SCARA3: variants seen among roughly 807,000 people sequenced by gnomAD.
SCARA3 encodes scavenger receptor class A member 3.
In SCARA3, 39 loss-of-function variants were observed where a neutral mutation model predicts 47.0. That is an observed-to-expected ratio of 0.83 (90% CI 0.64 to 1.08). The LOEUF (loss-of-function observed/expected upper bound fraction) is 1.08, where lower values mean the gene tolerates loss of function less well. Among genes scored for constraint, SCARA3 ranks in the 50% least tolerant of loss-of-function variants. The pLI is 0.00. For synonymous variants in SCARA3, 356 were observed against 334.1 expected, an observed-to-expected ratio of 1.07 and a Z score of -0.71; for missense variants, 724 against 792.3, an observed-to-expected ratio of 0.91 and a Z score of 1.04.
At chr8:27,682,675 A>T in the SCARA3 span, among the ~76,000 whole-genome samples, 7 of 152,200 alleles carry the variant, frequency 4.6e-5, no homozygotes, top group Non-Finnish European at 7.4e-5. Flanking sequence ...AATTAAAACC[A>T]CTACACTCAT....
chr8:27,658,051 G>T (rs1384597045), intron 4 of SCARA3, among the ~76,000 whole-genome samples: 11 of 152,170 alleles, frequency 7.2e-5, no homozygotes, highest in Admixed American at 7.2e-4. Context: ...GAAGGTTCTG[G>T]TCTGGCACCA....
At chr8:27,728,305 A>C in the SCARA3 span, among the ~76,000 whole-genome samples, 1 of 152,152 alleles carries the variant, frequency 6.6e-6, no homozygotes, top group South Asian at 2.1e-4. Context: ...CCAGTTGGGA[A>C]GCGCATTCCA....
rs759554221 is a variant in SCARA3, at chr8:27,656,884, A to G, written c.325+4A>G. On this transcript the variant is annotated splice_donor_region_variant and intron_variant, in intron 4 of 5. Coordinates refer to ENST00000301904, the MANE Select transcript of SCARA3 (RefSeq NM_016240.3). Reference sequence around the variant, plus strand: ...CAGAAAAATCTCCAGGGCCTGGGTAAGTAGATGGGCTGATGACTGTGATGC... The same window carrying G: ...CAGAAAAATCTCCAGGGCCTGGGTAGGTAGATGGGCTGATGACTGTGATGC... The G allele has an allele frequency of 1.3e-6, 2 of 1,561,902 alleles. No individual in the cohort carries two copies. Among genetic ancestry groups the G allele is most frequent in the Non-Finnish European group, 1.8e-6 (2 of 1,132,308 alleles).
At chr8:27,667,788 C>T (rs4732600) in intron 5 of SCARA3, among the ~76,000 whole-genome samples, 2,755 of 152,326 alleles carry the variant, frequency 0.018, 43 homozygotes, top group Admixed American at 0.058. Context: ...CGAGCAGCTC[C>T]ATCCGCCAGC....
chr8:27,636,594 C>A (rs1392059602), intron 1 of SCARA3, among the ~76,000 whole-genome samples: 1 of 152,156 alleles, frequency 6.6e-6, no homozygotes, highest in Non-Finnish European at 1.5e-5. Context: ...GCTGTGGGTT[C>A]CTATACAGGA....
At chr8:27,700,392 A>T in the SCARA3 span, among the ~76,000 whole-genome samples, 1 of 152,186 alleles carries the variant, frequency 6.6e-6, no homozygotes, top group Non-Finnish European at 1.5e-5. Flanking sequence ...AAATCACTGG[A>T]GGCCAGGAGT....
the SCARA3 span, among the ~76,000 whole-genome samples, chr8:27,713,005 G>A: frequency 8.5e-5 from 13 of 152,114 alleles, no homozygotes; most frequent in African/African-American, 3.1e-4. Context: ...ACCAAACAAG[G>A]ATATTTTCCT....
At position 27,670,837 on chromosome 8, in the gene SCARA3, G is replaced by A. The variant is rs938803006; in HGVS notation, c.1370-63G>A. 8 of 1,403,534 alleles carry A rather than the reference G, an allele frequency of 5.7e-6. No individual in the cohort carries two copies. The Admixed American group carries it at 9.5e-5, about 17-fold the overall frequency. 86.9% of individuals were successfully genotyped at this position (1,403,534 alleles called of 1,614,324 possible). A position where few individuals can be genotyped will look rare whatever the true frequency, so the allele number is the denominator to read the frequency against. On this transcript the variant is annotated intron_variant, in intron 5 of 5. Coordinates refer to ENST00000301904, the MANE Select transcript of SCARA3 (RefSeq NM_016240.3). Reference sequence around the variant, plus strand: ...CTGTCGCCGTGCCCGCTCTGCTCATGGGCGAGCCTCGGGTGGGGAGCCCCT... The same window carrying A: ...CTGTCGCCGTGCCCGCTCTGCTCATAGGCGAGCCTCGGGTGGGGAGCCCCT...
At position 27,671,688 on chromosome 8, in the gene SCARA3, A is replaced by G. The variant is rs1448961412; in HGVS notation, c.*337A>G. ...CACACATGCACACATACACGTGCACACATACACAGGCACACATGCATGCAC... is the reference window on the plus strand; with the variant it reads ...CACACATGCACACATACACGTGCACGCATACACAGGCACACATGCATGCAC... On this transcript the variant is annotated 3_prime_UTR_variant, in exon 6 of 6. Transcript: ENST00000301904. 9.3e-7 allele frequency: 1 copy of G among 1,077,366 alleles called. No homozygotes were observed. Among genetic ancestry groups the G allele is most frequent in the South Asian group, 4.5e-5 (1 of 22,222 alleles). 66.7% of individuals were successfully genotyped at this position (1,077,366 alleles called of 1,614,324 possible).
At chr8:27,657,808 G>A (rs1563408023) in intron 4 of SCARA3, among the ~76,000 whole-genome samples, 1 of 152,080 alleles carries the variant, frequency 6.6e-6, no homozygotes. Context: ...CCAAAGTGCT[G>A]GGATTACAGG....
the SCARA3 span, among the ~76,000 whole-genome samples, chr8:27,688,646 G>C: frequency 6.6e-6 from 1 of 152,248 alleles, no homozygotes; most frequent in East Asian, 1.9e-4. Context: ...GGGGTAGGGA[G>C]AGAGCAAAGT....
chr8:27,698,220 A>G, the SCARA3 span, among the ~76,000 whole-genome samples: 1 of 152,194 alleles, frequency 6.6e-6, no homozygotes, highest in Non-Finnish European at 1.5e-5. Flanking sequence ...TGCAAGAAGG[A>G]GTGGAGAGCA....
At chr8:27,691,047 G>T in the SCARA3 span, among the ~76,000 whole-genome samples, 1 of 152,166 alleles carries the variant, frequency 6.6e-6, no homozygotes, top group Non-Finnish European at 1.5e-5. Flanking sequence ...CCTGGTAATA[G>T]CATCTGCCTT....
chr8:27,708,498 C>A, the SCARA3 span, among the ~76,000 whole-genome samples: 1 of 152,108 alleles, frequency 6.6e-6, no homozygotes, highest in African/African-American at 2.4e-5. Context: ...AATCTCGTAA[C>A]TCTATCATAA....
intron 5 of SCARA3, among the ~76,000 whole-genome samples, chr8:27,667,562 C>T (rs745802344): frequency 6.6e-6 from 1 of 152,184 alleles, no homozygotes; most frequent in African/African-American, 2.4e-5. Flanking sequence ...GGAATCCTGA[C>T]GCCAGCACTG....
At chr8:27,635,064 G>C (rs1801221251) in intron 1 of SCARA3, among the ~76,000 whole-genome samples, 1 of 152,176 alleles carries the variant, frequency 6.6e-6, no homozygotes, top group South Asian at 2.1e-4. Context: ...GTTCCTAGCA[G>C]TGAGAACCTC....
chr8:27,695,238 C>A, the SCARA3 span, among the ~76,000 whole-genome samples: 47 of 152,292 alleles, frequency 3.1e-4, no homozygotes, highest in African/African-American at 1.1e-3. Context: ...AAGAAACTAA[C>A]TAACTAAAAC....
In SCARA3 at chr8:27,659,160, C is replaced by T. The variant is rs1801831911; in HGVS notation, c.990C>T (p.Tyr330=). ...AAGAGAACATGCATGATCTTCAGTA[C>T]CATACCCACTACGCCCAGAACCGCA... ...DHEENMHDLQ[Y]HTHYAQNRTV... The change falls in exon 5 of 6, where the codon TAC becomes TAT. Residue 330 remains tyrosine, a synonymous_variant. Coordinates refer to ENST00000301904, the MANE Select transcript of SCARA3 (RefSeq NM_016240.3). The T allele has an allele frequency of 6.2e-7, 1 of 1,614,018 alleles. No individual in the cohort carries two copies. Among genetic ancestry groups the T allele is most frequent in the African/African-American group, 1.3e-5 (1 of 74,908 alleles).
At chr8:27,693,952 T>C in the SCARA3 span, among the ~76,000 whole-genome samples, 15 of 152,246 alleles carry the variant, frequency 9.9e-5, no homozygotes, top group Non-Finnish European at 1.8e-4. Flanking sequence ...TGATGAATTA[T>C]GTCTCCATAA....
Sources: gnomAD v4.1 joint callset for allele counts (sites outside exome capture counted in the v4.1 genomes callset) on GRCh38, gnomAD v4.1.1 for gene constraint, MANE v1.5 for transcripts, NCBI Gene and HGNC (gene_info 2026-07-23, HGNC 2026-07-21) for gene names.